Variants in ADGRV1 observed in about 807,000 individuals in gnomAD.
ADGRV1 encodes the protein adhesion G protein-coupled receptor V1, also known as G-protein coupled receptor 98.
A neutral mutation model predicts 596.2 loss-of-function variants in ADGRV1; 359 were observed. The observed-to-expected ratio is 0.60, with a 90% confidence interval of 0.55 to 0.66. The LOEUF (loss-of-function observed/expected upper bound fraction) is 0.66, where lower values mean the gene tolerates loss of function less well. Ranked by LOEUF, ADGRV1 falls within the 30% of genes least tolerant of loss-of-function variation. The pLI is 0.00. For synonymous variants in ADGRV1, 2,681 were observed against 2,679.2 expected, an observed-to-expected ratio of 1.00 and a Z score of -0.02; for missense variants, 7,274 against 7,575.6, an observed-to-expected ratio of 0.96 and a Z score of 1.48.
At chr5:90,860,852 G>A (rs1767485315) in intron 82 of ADGRV1, among the ~76,000 whole-genome samples, 1 of 152,000 alleles carries the variant, frequency 6.6e-6, no homozygotes, top group Admixed American at 6.6e-5. Flanking sequence ...ATATTTTAAG[G>A]AAAATTTCAT....
chr5:90,697,229 T>C, intron 34 of ADGRV1, 83 bp downstream of exon 34: 1 of 1,209,850 alleles, frequency 8.3e-7, no homozygotes, highest in South Asian at 1.5e-5. Context: ...ACTTGATAGT[T>C]TTTCCCTTTC....
intron 85 of ADGRV1, among the ~76,000 whole-genome samples, chr5:91,049,598 A>G (rs1786134263): frequency 6.6e-6 from 1 of 152,228 alleles, no homozygotes; most frequent in Non-Finnish European, 1.5e-5. Flanking sequence ...ATCAAGACAA[A>G]TATTATCACT....
At chr5:90,578,670 T>G (rs989453938) in intron 1 of ADGRV1, among the ~76,000 whole-genome samples, 3 of 152,262 alleles carry the variant, frequency 2.0e-5, no homozygotes, top group African/African-American at 7.2e-5. Context: ...TTGATTGGAA[T>G]AGTTCCAGAA....
intron 9 of ADGRV1, among the ~76,000 whole-genome samples, chr5:90,632,978 G>C (rs1765689630): frequency 6.6e-6 from 1 of 152,140 alleles, no homozygotes; most frequent in Non-Finnish European, 1.5e-5. Flanking sequence ...GGAAGCCTCA[G>C]CCTCTGCATG....
chr5:90,712,193 C>T (rs1202981801), intron 41 of ADGRV1, 94 bp from the exon 42 acceptor site: 1 of 689,938 alleles, frequency 1.4e-6, no homozygotes, highest in Non-Finnish European at 2.2e-6. Flanking sequence ...TTATTCTTTA[C>T]ATTCACAACT....
chr5:91,050,813 T>G (rs1392729030), intron 85 of ADGRV1, among the ~76,000 whole-genome samples: 2 of 152,158 alleles, frequency 1.3e-5, no homozygotes, highest in Non-Finnish European at 2.9e-5. Flanking sequence ...GAGATGCAGT[T>G]GTACTGCTGC....
chr5:90,757,195 G>A (rs778084348), intron 57 of ADGRV1, 34 bp downstream of exon 57: 37 of 1,588,240 alleles, frequency 2.3e-5, no homozygotes, highest in Non-Finnish European at 3.2e-5. Flanking sequence ...GCCTTTTTGA[G>A]TTGTGCTTCA....
intron 70 of ADGRV1, among the ~76,000 whole-genome samples, chr5:90,800,760 A>G (rs994837460): frequency 3.3e-5 from 5 of 152,204 alleles, no homozygotes; most frequent in Admixed American, 6.5e-5. Context: ...GGATGAGTTC[A>G]TGTCCTTTGC....
At chr5:90,815,854 G>C in intron 75 of ADGRV1, 118 bp downstream of exon 75, 1 of 627,418 alleles carries the variant, frequency 1.6e-6, no homozygotes, top group Admixed American at 2.3e-5. Flanking sequence ...GTCGAATTTG[G>C]CACGTCTTCA....
intron 1 of ADGRV1, among the ~76,000 whole-genome samples, chr5:90,593,206 G>A (rs977033439): frequency 2.0e-5 from 3 of 152,182 alleles, no homozygotes; most frequent in Non-Finnish European, 2.9e-5. Context: ...CAACCCAAAT[G>A]TCCATCAATG....
chr5:90,884,412 C>A (rs965726207), intron 83 of ADGRV1, among the ~76,000 whole-genome samples: 1 of 152,126 alleles, frequency 6.6e-6, no homozygotes, highest in Non-Finnish European at 1.5e-5. Flanking sequence ...AGAACCGTTA[C>A]CTCCTTTGAC....
intron 70 of ADGRV1, among the ~76,000 whole-genome samples, chr5:90,795,140 C>T (rs1006983075): frequency 2.1e-5 from 3 of 145,284 alleles, no homozygotes; most frequent in African/African-American, 7.7e-5. Flanking sequence ...GGAATGCCAG[C>T]GAGACAGAAC....
chr5:90,591,165 G>A (rs1418247184), intron 1 of ADGRV1, among the ~76,000 whole-genome samples: 2 of 152,176 alleles, frequency 1.3e-5, no homozygotes, highest in African/African-American at 4.8e-5. Context: ...GCCAAGGTGG[G>A]TGGATCACTT....
At chr5:90,922,024 A>C (rs891149135) in intron 83 of ADGRV1, among the ~76,000 whole-genome samples, 1 of 152,086 alleles carries the variant, frequency 6.6e-6, no homozygotes, top group Non-Finnish European at 1.5e-5. Flanking sequence ...GTCTAAGAAA[A>C]ACAGCACCTA....
intron 59 of ADGRV1, among the ~76,000 whole-genome samples, chr5:90,770,610 C>A (rs1757588615): frequency 6.6e-6 from 1 of 152,146 alleles, no homozygotes; most frequent in Non-Finnish European, 1.5e-5. Flanking sequence ...CTCATGCAAC[C>A]AGTCTCTGCC....
Position 90,729,740 on chromosome 5 carries a change from T to TC in ADGRV1, c.10527dup (p.Phe3510LeufsTer28). ...TTTTGCTGCTGTTAACAGAATCCAC[T>TC]CCTTCACACCAGCCTCAGGAATAGG... On this transcript the variant is annotated frameshift_variant, in exon 50 of 90. Coordinates refer to ENST00000405460, the MANE Select transcript of ADGRV1 (RefSeq NM_032119.4). LOFTEE classifies it high-confidence loss of function. 1 of 1,613,382 alleles carries TC rather than the reference T, an allele frequency of 6.2e-7. No individual in the cohort carries two copies. Among genetic ancestry groups the TC allele is most frequent in the Non-Finnish European group, 8.5e-7 (1 of 1,179,464 alleles).
chr5:90,836,514 T>C (rs539109777), intron 77 of ADGRV1, among the ~76,000 whole-genome samples: 1 of 152,240 alleles, frequency 6.6e-6, no homozygotes, highest in South Asian at 2.1e-4. Flanking sequence ...TATAATATTA[T>C]TGAAATTACA....
In ADGRV1 at chr5:90,837,094, G is replaced by A. The variant is rs144735564; in HGVS notation, c.16612-3484G>A. ...CATTCCCATGTACGTAAGTACTGTA[G>A]CCTTAGCATCTGTGGCTTATATCTA... On this transcript the variant is annotated intron_variant, in intron 77 of 89. Coordinates refer to ENST00000405460, the MANE Select transcript of ADGRV1 (RefSeq NM_032119.4). Among the ~76,000 whole-genome samples, 5 of 152,350 alleles carry A rather than the reference G, an allele frequency of 3.3e-5. No homozygotes were observed. In the East Asian group the frequency reaches 9.6e-4, roughly 29 times the overall value.
At position 90,880,419 on chromosome 5, in the gene ADGRV1, C is replaced by T. The variant is rs1769650134; in HGVS notation, c.17856+16562C>T. On this transcript the variant is annotated intron_variant, in intron 83 of 89. Coordinates refer to ENST00000405460, the MANE Select transcript of ADGRV1 (RefSeq NM_032119.4). ...ACAATCAGAGGTGGAGCTTGCCTCT[C>T]AGTGGGGAGAAAGCATTTTGAGCAA... 3.3e-5 allele frequency among the ~76,000 whole-genome samples: 5 copies of T among 152,132 alleles called. No individual in the cohort carries two copies. In the South Asian group the frequency reaches 1.0e-3, roughly 32 times the overall value.
Sources: allele counts gnomAD v4.1 joint callset (sites outside exome capture counted in the v4.1 genomes callset), GRCh38; gene constraint gnomAD v4.1.1; transcripts MANE v1.5; gene names NCBI Gene and HGNC (gene_info 2026-07-23, HGNC 2026-07-21).